The following MRTFA variants were observed in gnomAD, a reference collection of about 807,000 sequenced individuals.
MRTFA encodes the protein myocardin related transcription factor A.
In MRTFA, 20 loss-of-function variants were observed where a neutral mutation model predicts 83.5. The observed-to-expected ratio is 0.24, with a 90% CI of 0.17 to 0.35. The LOEUF is 0.35. Ranked by LOEUF, MRTFA falls within the 10% of genes least tolerant of loss-of-function variation. The pLI is 1.00. For synonymous variants in MRTFA, 659 were observed against 541.2 expected, an observed-to-expected ratio of 1.22 and a Z score of -3.02; for missense variants, 1,200 against 1,224.7, an observed-to-expected ratio of 0.98 and a Z score of 0.30.
chr22:40,411,198 TCTC>T lies in MRTFA; in HGVS notation c.*189_*191del, dbSNP rs990216658. ...GCCAGGGCTGCTTCTTGACAGCTGC[TCTC>T]CTCTGCCCTGCGTGGCACTGAACCA... is the stretch of plus-strand genomic sequence containing the variant. On this transcript the variant is annotated 3_prime_UTR_variant, in exon 15 of 15. Transcript: ENST00000355630. The T allele has an allele frequency of 2.3e-5, 12 of 511,306 alleles. No homozygotes were observed. The highest frequency in any genetic ancestry group is 3.6e-5 in the Non-Finnish European group (11 of 308,056). The allele number at this position is 511,306 out of a possible 1,614,324, so 31.7% of individuals were successfully genotyped here.
chr22:40,502,831 C>G (rs1425389908), intron 3 of MRTFA, among the ~76,000 whole-genome samples: 1 of 152,202 alleles, frequency 6.6e-6, no homozygotes, highest in African/African-American at 2.4e-5. Flanking sequence ...ATCCTCCCCC[C>G]ATATTGCTTT....
intron 2 of MRTFA, among the ~76,000 whole-genome samples, chr22:40,573,700 C>T (rs2055829763): frequency 6.8e-6 from 1 of 148,064 alleles, no homozygotes; most frequent in Non-Finnish European, 1.5e-5. Flanking sequence ...CCCAGGAATT[C>T]AAGACCAGAC....
chr22:40,635,946 A>G (rs555525719), intron 1 of MRTFA, among the ~76,000 whole-genome samples: 1 of 152,294 alleles, frequency 6.6e-6, no homozygotes, highest in East Asian at 1.9e-4. Context: ...GCGTCCTGAC[A>G]GACGCTTTCT....
Position 40,452,692 on chromosome 22 carries a change from T to C in MRTFA, c.307+10529A>G, listed in dbSNP as rs961296005. ...GGGCGTGGGTGGCAGGCGCCTGTAA[T>C]CCCAGCTACCTAGGAGGCCGAGGCA... On this transcript the variant is annotated intron_variant, in intron 4 of 14. Transcript: ENST00000355630. 6.7e-5 allele frequency among the ~76,000 whole-genome samples: 10 copies of C among 149,784 alleles called. No individual in the cohort carries two copies. The East Asian group carries it at 1.8e-3, about 27-fold the overall frequency.
chr22:40,578,834 G>C (rs938895201), intron 2 of MRTFA, among the ~76,000 whole-genome samples: 2 of 152,108 alleles, frequency 1.3e-5, no homozygotes, highest in African/African-American at 2.4e-5. Context: ...GAGATGGGAC[G>C]ATCACTTGAG....
chr22:40,633,143 C>T (rs1382172555), intron 1 of MRTFA, among the ~76,000 whole-genome samples: 1 of 152,166 alleles, frequency 6.6e-6, no homozygotes, highest in East Asian at 1.9e-4. Flanking sequence ...AACCTCCTGA[C>T]CAAAGCTTTT....
chr22:40,443,342 T>C (rs148181677), intron 4 of MRTFA, among the ~76,000 whole-genome samples: 254 of 152,258 alleles, frequency 1.7e-3, no homozygotes, highest in African/African-American at 5.9e-3. Flanking sequence ...TTCTGTATTT[T>C]TGTCACTAAG....
At chr22:40,450,733 C>T (rs1281742866) in intron 4 of MRTFA, among the ~76,000 whole-genome samples, 3 of 152,284 alleles carry the variant, frequency 2.0e-5, no homozygotes, top group South Asian at 4.1e-4. Context: ...GCTGGGATTA[C>T]AGGCTTGAGC....
At chr22:40,629,636 C>T (rs987671266) in intron 1 of MRTFA, among the ~76,000 whole-genome samples, 4 of 150,604 alleles carry the variant, frequency 2.7e-5, no homozygotes, top group Admixed American at 2.0e-4. Context: ...ATTAGCTGGG[C>T]GTGGTGGTGG....
At chr22:40,450,916 T>A (rs186174161) in intron 4 of MRTFA, among the ~76,000 whole-genome samples, 28 of 152,340 alleles carry the variant, frequency 1.8e-4, no homozygotes, top group African/African-American at 6.3e-4. Flanking sequence ...GGTCTGCCTA[T>A]CTTTCAGTGC....
At chr22:40,614,333 C>T (rs1037946251) in intron 1 of MRTFA, among the ~76,000 whole-genome samples, 6 of 151,666 alleles carry the variant, frequency 4.0e-5, no homozygotes, top group Admixed American at 2.6e-4. Context: ...ATCACTTGAG[C>T]CACAGAGGTC....
intron 2 of MRTFA, among the ~76,000 whole-genome samples, chr22:40,568,873 A>C (rs986739004): frequency 3.9e-5 from 6 of 152,210 alleles, no homozygotes; most frequent in Non-Finnish European, 7.3e-5. Flanking sequence ...AAAAAAGAAA[A>C]GGTAAATGCA....
At chr22:40,479,180 A>G (rs545300171) in intron 3 of MRTFA, among the ~76,000 whole-genome samples, 80 of 152,276 alleles carry the variant, frequency 5.3e-4, no homozygotes, top group Middle Eastern at 3.4e-3. Flanking sequence ...GGAACTAATC[A>G]TGTTCAAAAT....
At position 40,470,347 on chromosome 22, in the gene MRTFA, C is replaced by T. The variant is rs117817594; in HGVS notation, c.242-7061G>A. ...ATAAATATGCAGAAATTAAAGAGCACACCCTTAAACAGCCAATGGGTCAAA... is the reference window on the plus strand; with the variant it reads ...ATAAATATGCAGAAATTAAAGAGCATACCCTTAAACAGCCAATGGGTCAAA... On this transcript the variant is annotated intron_variant, in intron 3 of 14. Coordinates refer to ENST00000355630, the MANE Select transcript of MRTFA (RefSeq NM_020831.6). Among the ~76,000 whole-genome samples the T allele has an allele frequency of 6.3e-3, 900 of 142,086 alleles. 5 individuals carry two copies. Among genetic ancestry groups the T allele is most frequent in the South Asian group, 0.016 (69 of 4,436 alleles). 93.2% of individuals were successfully genotyped at this position (142,086 alleles called of 152,430 possible).
intron 2 of MRTFA, chr22:40,587,750 GT>G: frequency 3.0e-6 from 1 of 335,828 alleles, no homozygotes; most frequent in Non-Finnish European, 5.9e-6. Flanking sequence ...AAAAGAGTGA[GT>G]CCCACCACCT....
chr22:40,592,933 G>A (rs1419249571), intron 2 of MRTFA, among the ~76,000 whole-genome samples: 1 of 152,128 alleles, frequency 6.6e-6, no homozygotes, highest in Admixed American at 6.5e-5. Flanking sequence ...TCCCAAAACA[G>A]CAGTACTGTA....
In MRTFA at chr22:40,419,098, G is replaced by A. The variant is rs780407081; in HGVS notation, c.1640C>T (p.Thr547Met). 1.6e-5 allele frequency: 26 copies of A among 1,597,704 alleles called. No homozygotes were observed. The highest frequency in any genetic ancestry group is 7.8e-5 in the South Asian group (7 of 89,244). The change falls in exon 12 of 15, where the codon ACG becomes ATG. Residue 547 changes from threonine to methionine, a missense_variant. This residue lies in a region of MRTFA where 1,107 missense variants were observed against 1,041.8 expected (regional missense o/e 1.06). Coordinates refer to ENST00000355630, the MANE Select transcript of MRTFA (RefSeq NM_020831.6). ...GGGAGACACGGGGGGCGTGGAGCCC[G>A]TGCTGCCAAACTTCACCACCCCACT...
At chr22:40,498,269 ATATATTTTTTTTTT>A (rs1436243635) in intron 3 of MRTFA, among the ~76,000 whole-genome samples, 7 of 88,384 alleles carry the variant, frequency 7.9e-5, no homozygotes, top group Admixed American at 2.4e-4. Context: ...ATATATATAT[ATATATTTTTTTTTT>A]TTTTTTTTTT....
intron 2 of MRTFA, among the ~76,000 whole-genome samples, chr22:40,585,132 T>C (rs371206219): frequency 1.3e-5 from 2 of 152,206 alleles, no homozygotes; most frequent in Admixed American, 6.5e-5. Flanking sequence ...TCATCACTTC[T>C]GCCGATCTGA....
Sources: gnomAD v4.1 joint callset for allele counts (sites outside exome capture counted in the v4.1 genomes callset) on GRCh38, gnomAD v4.1.1 for gene constraint, gnomAD v4.1.1 regional missense constraint, MANE v1.5 for transcripts, NCBI Gene and HGNC (gene_info 2026-07-23, HGNC 2026-07-21) for gene names.